PPARGC1A: variants seen among roughly 807,000 people sequenced by gnomAD.
The protein encoded by PPARGC1A is PPARG coactivator 1 alpha, also known as peroxisome proliferator-activated receptor gamma coactivator 1-alpha.
A neutral mutation model predicts 88.7 loss-of-function variants in PPARGC1A; 25 were observed. That is an observed-to-expected ratio of 0.28 (90% CI 0.21 to 0.39). The LOEUF (loss-of-function observed/expected upper bound fraction) is 0.39, where lower values mean the gene tolerates loss of function less well. Among genes scored for constraint, PPARGC1A ranks in the 10% least tolerant of loss-of-function variants. The pLI, the probability that PPARGC1A is intolerant of heterozygous loss-of-function variation, is 1.00. For synonymous variants in PPARGC1A, 363 were observed against 355.6 expected (o/e 1.02, Z -0.24); for missense variants, 880 against 968.7 (o/e 0.91, Z 1.22).
At chr4:24,404,345 T>A in the PPARGC1A span, among the ~76,000 whole-genome samples, 1 of 151,228 alleles carries the variant, frequency 6.6e-6, no homozygotes, top group African/African-American at 2.4e-5. Flanking sequence ...AGAAAGCAAT[T>A]TAAGGGAACA....
At chr4:24,114,807 T>C in the PPARGC1A span, among the ~76,000 whole-genome samples, 11 of 152,290 alleles carry the variant, frequency 7.2e-5, no homozygotes, top group South Asian at 2.3e-3. Flanking sequence ...GTGAAACAAG[T>C]TATAAATTAA....
chr4:23,892,021 T>A (rs918645973), upstream of PPARGC1A, among the ~76,000 whole-genome samples: 10 of 152,232 alleles, frequency 6.6e-5, no homozygotes, highest in African/African-American at 2.4e-4. Context: ...ATTATTATCA[T>A]GTGATTCTTC....
the PPARGC1A span, among the ~76,000 whole-genome samples, chr4:24,198,647 G>A: frequency 1.3e-5 from 2 of 152,156 alleles, no homozygotes; most frequent in Non-Finnish European, 2.9e-5. Context: ...TCTGTCTTGG[G>A]TTGGGTTCCT....
the PPARGC1A span, among the ~76,000 whole-genome samples, chr4:23,968,139 C>T: frequency 6.6e-6 from 1 of 152,186 alleles, no homozygotes; most frequent in African/African-American, 2.4e-5. Flanking sequence ...GAACAGCCTC[C>T]AGATCCCATA....
the PPARGC1A span, among the ~76,000 whole-genome samples, chr4:24,300,164 C>T: frequency 1.3e-5 from 2 of 151,970 alleles, no homozygotes; most frequent in African/African-American, 2.4e-5. Flanking sequence ...TTACAGAAAC[C>T]GTTTACATTC....
the PPARGC1A span, among the ~76,000 whole-genome samples, chr4:24,304,106 C>T: frequency 6.6e-6 from 1 of 152,182 alleles, no homozygotes; most frequent in East Asian, 1.9e-4. Flanking sequence ...GACAGACTGC[C>T]AAATCCAGGA....
At chr4:24,239,962 C>A in the PPARGC1A span, among the ~76,000 whole-genome samples, 1 of 152,052 alleles carries the variant, frequency 6.6e-6, no homozygotes, top group Non-Finnish European at 1.5e-5. Flanking sequence ...CTCTCCCACC[C>A]GCTCTCCCAC....
At chr4:24,306,265 A>AT in the PPARGC1A span, among the ~76,000 whole-genome samples, 199 of 151,976 alleles carry the variant, frequency 1.3e-3, no homozygotes, top group African/African-American at 3.9e-3. Flanking sequence ...CACATCAGTG[A>AT]TTTTTTTTTC....
the PPARGC1A span, among the ~76,000 whole-genome samples, chr4:24,058,166 C>T: frequency 9.8e-5 from 15 of 152,288 alleles, no homozygotes; most frequent in South Asian, 2.5e-3. Context: ...GCCGGCCCAT[C>T]GCTCCTGCTC....
At chr4:24,097,234 A>G in the PPARGC1A span, among the ~76,000 whole-genome samples, 2 of 152,300 alleles carry the variant, frequency 1.3e-5, no homozygotes, top group Admixed American at 1.3e-4. Flanking sequence ...CTGCTCTGTT[A>G]GATGCAAATA....
chr4:23,825,730 T>C (rs552969788), intron 5 of PPARGC1A, among the ~76,000 whole-genome samples: 2 of 125,542 alleles, frequency 1.6e-5, no homozygotes, highest in East Asian at 2.4e-4. Context: ...TGCATATTTA[T>C]AGATTTAGAT....
chr4:24,239,350 T>C, the PPARGC1A span, among the ~76,000 whole-genome samples: 57 of 152,314 alleles, frequency 3.7e-4, no homozygotes, highest in Non-Finnish European at 7.2e-4. Flanking sequence ...CAGGAAAGAA[T>C]GGTCTCCCCT....
the PPARGC1A span, among the ~76,000 whole-genome samples, chr4:23,969,293 A>G: frequency 6.6e-6 from 1 of 152,164 alleles, no homozygotes; most frequent in African/African-American, 2.4e-5. Flanking sequence ...TGTCATCTAT[A>G]TGAGGTACAC....
the PPARGC1A span, among the ~76,000 whole-genome samples, chr4:23,970,703 T>C: frequency 6.6e-6 from 1 of 152,178 alleles, no homozygotes; most frequent in African/African-American, 2.4e-5. Context: ...CAAAATACTT[T>C]AACTGCAGCT....
the PPARGC1A span, among the ~76,000 whole-genome samples, chr4:23,927,107 A>G: frequency 6.6e-6 from 1 of 152,216 alleles, no homozygotes; most frequent in African/African-American, 2.4e-5. Context: ...GCCTACCGTA[A>G]ATGTGTTCAG....
the PPARGC1A span, among the ~76,000 whole-genome samples, chr4:23,947,373 A>G: frequency 9.1e-5 from 2 of 22,006 alleles, no homozygotes; most frequent in South Asian, 2.1e-3. Flanking sequence ...ATATATATAT[A>G]TATATATATA....
At chr4:24,201,503 C>A in the PPARGC1A span, among the ~76,000 whole-genome samples, 1 of 152,214 alleles carries the variant, frequency 6.6e-6, no homozygotes, top group East Asian at 1.9e-4. Context: ...AGAAGAAGCA[C>A]TTCAGCCAAG....
At chr4:23,867,024 TAA>T (rs59946432) in intron 2 of PPARGC1A, among the ~76,000 whole-genome samples, 19,364 of 152,130 alleles carry the variant, frequency 0.13, 1,786 homozygotes, top group Non-Finnish European at 0.19. Context: ...GTCTTCCTCC[TAA>T]GAGGTGGGAA....
chr4:24,466,788 C>T, the PPARGC1A span, among the ~76,000 whole-genome samples: 2 of 149,950 alleles, frequency 1.3e-5, no homozygotes, highest in Non-Finnish European at 3.0e-5. Context: ...GTGGCGTGCG[C>T]CTGTTGTCCC....
Sources: gnomAD v4.1 joint callset for allele counts (sites outside exome capture counted in the v4.1 genomes callset) on GRCh38, gnomAD v4.1.1 for gene constraint, MANE v1.5 for transcripts, NCBI Gene and HGNC (gene_info 2026-07-23, HGNC 2026-07-21) for gene names.